The following TRIP10 variants were observed in gnomAD, a reference collection of about 807,000 sequenced individuals.
TRIP10 encodes the protein cdc42-interacting protein 4.
TRIP10 carries 54 observed loss-of-function variants against 80.9 expected under a neutral mutation model. The observed-to-expected ratio is 0.67, with a 90% CI of 0.54 to 0.84. The LOEUF is 0.84. Among genes scored for constraint, TRIP10 ranks in the 40% least tolerant of loss-of-function variants. TRIP10 has a pLI of 0.00. For missense variants in TRIP10, 773 were observed against 815.3 expected, an observed-to-expected ratio of 0.95 and a Z score of 0.63; for synonymous variants, 321 against 307.2, an observed-to-expected ratio of 1.04 and a Z score of -0.47.
intron 11 of TRIP10, among the ~76,000 whole-genome samples, chr19:6,749,387 C>T (rs1351886835): frequency 6.6e-6 from 1 of 152,190 alleles, no homozygotes; most frequent in South Asian, 2.1e-4. Flanking sequence ...GGATCATTAT[C>T]TCCATTTCCA....
chr19:6,743,632 G>C, intron 6 of TRIP10, 34 bp downstream of exon 6: 1 of 1,605,134 alleles, frequency 6.2e-7, no homozygotes, highest in Non-Finnish European at 8.5e-7. Context: ...GGGGTGCGGG[G>C]TCTGGGACAA....
intron 1 of TRIP10, 28 bp from the exon 2 acceptor site, chr19:6,740,982 C>T (rs777611027): frequency 1.2e-6 from 2 of 1,600,306 alleles, no homozygotes; most frequent in East Asian, 2.2e-5. Flanking sequence ...GCCCCTCTCC[C>T]CTCCTCCCCC....
Position 6,744,996 on chromosome 19 carries a change from TG to T in TRIP10, c.984+7del, listed in dbSNP as rs1969064262. 2 of 1,612,132 alleles carry T rather than the reference TG, an allele frequency of 1.2e-6. No individual in the cohort carries two copies. The highest frequency in any genetic ancestry group is 2.2e-5 in the South Asian group (2 of 90,950). ...TGGCCTTTTGGCAAGAAGAACAAGG[TG>T]GGGGCCGGGACCCTTGGGATGGTGG... On this transcript the variant is annotated splice_donor_region_variant and intron_variant, in intron 9 of 14. Transcript: ENST00000313244. This position sits in a 1 kb window ranked among gnomAD's most constrained non-coding sequence, Gnocchi z 4.9.
intron 11 of TRIP10, among the ~76,000 whole-genome samples, chr19:6,747,621 C>T (rs1233686823): frequency 6.6e-6 from 1 of 151,902 alleles, no homozygotes. Context: ...GGTGAAACCC[C>T]GTCTCTACTA....
intron 1 of TRIP10, 108 bp downstream of exon 1, chr19:6,739,893 AC>A: frequency 8.0e-7 from 1 of 1,256,646 alleles, no homozygotes; most frequent in Non-Finnish European, 1.0e-6. Context: ...CCTTCCACCG[AC>A]CCCTGGGTCC....
chr19:6,742,146 A>G (rs1037219243), intron 3 of TRIP10, among the ~76,000 whole-genome samples: 2 of 151,624 alleles, frequency 1.3e-5, no homozygotes, highest in African/African-American at 4.8e-5. Context: ...AATCCCACAC[A>G]TTGGGAGGGT....
In TRIP10 at chr19:6,746,012, C is replaced by T. The variant is rs761033617; in HGVS notation, c.985-17C>T. 4.9e-6 allele frequency: 5 copies of T among 1,017,984 alleles called. No homozygotes were observed. The highest frequency in any genetic ancestry group is 6.4e-6 in the Non-Finnish European group (5 of 779,118). The allele number at this position is 1,017,984 out of a possible 1,614,324, so 63.1% of individuals were successfully genotyped here. ...CCACCCCTTCAACCTATCCCCCTCC[C>T]CGGCCCCCGCCGGTAGCCTCGCCCC... On this transcript the variant is annotated splice_polypyrimidine_tract_variant and intron_variant, in intron 9 of 14. Coordinates refer to ENST00000313244, the MANE Select transcript of TRIP10 (RefSeq NM_001288962.2). This position sits in a 1 kb window ranked among gnomAD's most constrained non-coding sequence, Gnocchi z 6.2.
intron 14 of TRIP10, 83 bp downstream of exon 14, chr19:6,750,716 G>T: frequency 2.6e-6 from 4 of 1,565,374 alleles, no homozygotes; most frequent in Non-Finnish European, 3.5e-6. Flanking sequence ...CTAAAGCAGG[G>T]CTGGGCGGGT....
In TRIP10 at chr19:6,743,830, A is replaced by G. The variant is rs753706244; in HGVS notation, c.636A>G (p.Ile212Met). The change falls in exon 7 of 15, where the codon ATA becomes ATG. Residue 212 changes from isoleucine to methionine, a missense_variant. Ile to Met is a conservative substitution (Grantham distance 10). Transcript: ENST00000313244. Reference sequence around the variant, plus strand: ...TCTATTTTTCACAGATGCCCCAGATATTCGATGTGAGTGCTCCCAGTTCTC... The same window carrying G: ...TCTATTTTTCACAGATGCCCCAGATGTTCGATGTGAGTGCTCCCAGTTCTC... The part of the protein sequence containing the change: ...AHFYFSQMPQ[I>M]FDKLQDMDER... 3.1e-6 allele frequency: 5 copies of G among 1,613,732 alleles called. No homozygotes were observed. The South Asian group carries it at 4.4e-5, about 14-fold the overall frequency.
In TRIP10 at chr19:6,744,183, A is replaced by G. The variant is rs1354189864; in HGVS notation, c.642+347A>G. Among the ~76,000 whole-genome samples, 1 of 152,072 alleles carries G rather than the reference A, an allele frequency of 6.6e-6. No homozygotes were observed. Among genetic ancestry groups the G allele is most frequent in the Admixed American group, 6.6e-5 (1 of 15,254 alleles). On this transcript the variant is annotated intron_variant, in intron 7 of 14. Coordinates refer to ENST00000313244, the MANE Select transcript of TRIP10 (RefSeq NM_001288962.2). The surrounding 1 kb of genome is among the most constrained non-coding windows in gnomAD (Gnocchi z 4.9). The stretch of plus-strand genomic sequence containing the variant: ...CTTATTCTTCTAAGCTCCACCTCTA[A>G]CAACCCCTCTGAAAGGTCTCGAATT...
intron 3 of TRIP10, 28 bp downstream of exon 3, chr19:6,741,309 A>G (rs747960280): frequency 1.3e-6 from 2 of 1,592,764 alleles, no homozygotes; most frequent in Non-Finnish European, 1.7e-6. Flanking sequence ...CTGCAGGGCT[A>G]GATTTGTGGG....
In TRIP10 at chr19:6,743,819, A is replaced by G; in HGVS notation, c.625A>G (p.Met209Val). The G allele has an allele frequency of 6.2e-7, 1 of 1,613,894 alleles. No individual in the cohort carries two copies. The highest frequency in any genetic ancestry group is 8.5e-7 in the Non-Finnish European group (1 of 1,179,948). Residue 209 changes from methionine to valine, a missense_variant, in exon 7 of 15, where the codon ATG becomes GTG. Physicochemically the swap from Met to Val is conservative, Grantham distance 21. Transcript: ENST00000313244. ...RDQAHFYFSQ[M>V]PQIFDKLQDM... is the part of the protein sequence containing the mutation. Reference sequence around the variant, plus strand: ...CCAAGCCCACTTCTATTTTTCACAGATGCCCCAGATATTCGATGTGAGTGC... The same window carrying G: ...CCAAGCCCACTTCTATTTTTCACAGGTGCCCCAGATATTCGATGTGAGTGC...
intron 7 of TRIP10, 44 bp downstream of exon 7, chr19:6,743,880 A>T: frequency 6.2e-7 from 1 of 1,607,990 alleles, no homozygotes; most frequent in South Asian, 1.1e-5. Context: ...GAAAGCCTCC[A>T]AATGTTAGCC....
In TRIP10 at chr19:6,745,824, C is replaced by T. The variant is rs372778636; in HGVS notation, c.985-205C>T. ...GATTTTTTTGTGTCGCTCCTGCATGCGTTTTCTCTGTGTGGTTGTGCATCT... is the reference window on the plus strand; with the variant it reads ...GATTTTTTTGTGTCGCTCCTGCATGTGTTTTCTCTGTGTGGTTGTGCATCT... On this transcript the variant is annotated intron_variant, in intron 9 of 14. Coordinates refer to ENST00000313244, the MANE Select transcript of TRIP10 (RefSeq NM_001288962.2). This position sits in a 1 kb window ranked among gnomAD's most constrained non-coding sequence, Gnocchi z 7.2. The T allele has an allele frequency of 8.1e-6, 8 of 985,208 alleles. No individual in the cohort carries two copies. The highest frequency in any genetic ancestry group is 9.6e-6 in the Non-Finnish European group (8 of 829,920). The allele number at this position is 985,208 out of a possible 1,614,324, so 61.0% of individuals were successfully genotyped here.
intron 2 of TRIP10, 37 bp downstream of exon 2, chr19:6,741,162 TGGGGCGAC>T: frequency 6.2e-7 from 1 of 1,613,798 alleles, no homozygotes; most frequent in Non-Finnish European, 8.5e-7. Flanking sequence ...AGGACGCGCC[TGGGGCGAC>T]GGGGAGCGGT....
chr19:6,750,215 T>C (rs1355635642), intron 12 of TRIP10, 77 bp from the exon 13 acceptor site: 1 of 1,590,230 alleles, frequency 6.3e-7, no homozygotes, highest in African/African-American at 1.3e-5. Context: ...GTGGGTGATC[T>C]CAGGGAACCT....
rs75269317 is a variant in TRIP10, at chr19:6,740,156, G to T, written c.24+371G>T. 1.2e-4 allele frequency among the ~76,000 whole-genome samples: 19 copies of T among 152,298 alleles called. No individual in the cohort carries two copies. In the South Asian group the frequency reaches 3.3e-3, roughly 27 times the overall value. On this transcript the variant is annotated intron_variant, in intron 1 of 14. Transcript: ENST00000313244. Reference sequence around the variant, plus strand: ...CGTCGTCCGCCTGTCCGGCTAGGAGGGGGGAGGGGACCCTCTGGTCACCCT... The same window carrying T: ...CGTCGTCCGCCTGTCCGGCTAGGAGTGGGGAGGGGACCCTCTGGTCACCCT...
In TRIP10 at chr19:6,745,503, G is replaced by A. The variant is rs762988504; in HGVS notation, c.984+509G>A. Reference sequence around the variant, plus strand: ...CTGTGATCCCCGAGCTTAAACTTCTGATGCCCCTAACCCCTCTCATTTTCC... The same window carrying A: ...CTGTGATCCCCGAGCTTAAACTTCTAATGCCCCTAACCCCTCTCATTTTCC... On this transcript the variant is annotated intron_variant, in intron 9 of 14. Transcript: ENST00000313244. This position sits in a 1 kb window ranked among gnomAD's most constrained non-coding sequence, Gnocchi z 7.2. The A allele has an allele frequency of 3.0e-5, 28 of 928,908 alleles. No individual in the cohort carries two copies. The highest frequency in any genetic ancestry group is 2.5e-4 in the South Asian group (5 of 20,150). The allele number at this position is 928,908 out of a possible 1,614,324, so 57.5% of individuals were successfully genotyped here.
rs537764026 is a variant in TRIP10, at chr19:6,745,907, T to C, written c.985-122T>C. On this transcript the variant is annotated intron_variant, in intron 9 of 14. Transcript: ENST00000313244. This position sits in a 1 kb window ranked among gnomAD's most constrained non-coding sequence, Gnocchi z 7.2. ...TCTCCATTTTGTTTTTCCTTTTTCC[T>C]TTTTTTGCGTCCATCCGTCCATCCG... is the stretch of plus-strand genomic sequence containing the variant. 39 of 1,254,412 alleles carry C rather than the reference T, an allele frequency of 3.1e-5. 1 individual carries two copies. In the South Asian group the frequency reaches 1.0e-3, roughly 32 times the overall value. The allele number at this position is 1,254,412 out of a possible 1,614,324, so 77.7% of individuals were successfully genotyped here.
Sources: gnomAD v4.1 joint callset for allele counts (sites outside exome capture counted in the v4.1 genomes callset) on GRCh38, gnomAD v4.1.1 for gene constraint, Gnocchi (gnomAD v3.1) non-coding constraint, MANE v1.5 for transcripts, NCBI Gene and HGNC (gene_info 2026-07-23, HGNC 2026-07-21) for gene names.